MIGA1: variants seen among roughly 807,000 people sequenced by gnomAD.
MIGA1 encodes the protein mitoguardin 1.
A neutral mutation model predicts 82.0 loss-of-function variants in MIGA1; 58 were observed. The ratio of observed to expected loss-of-function variants is 0.71; its 90% CI spans 0.57 to 0.88. The LOEUF is 0.88. Among genes scored for constraint, MIGA1 ranks in the 40% least tolerant of loss-of-function variants. MIGA1 has a pLI of 0.00. For synonymous variants in MIGA1, 249 were observed against 253.6 expected (o/e 0.98, Z 0.17); for missense variants, 751 against 749.1 (o/e 1.00, Z -0.03).
chr1:77,844,143 GAT>G (rs1557924430), intron 8 of MIGA1, among the ~76,000 whole-genome samples: 1 of 107,752 alleles, frequency 9.3e-6, no homozygotes, highest in Non-Finnish European at 1.8e-5. Context: ...TATATAGATA[GAT>G]AGATAGATAG....
intron 15 of MIGA1, among the ~76,000 whole-genome samples, chr1:77,873,932 G>A (rs1032729943): frequency 2.6e-5 from 4 of 152,108 alleles, no homozygotes; most frequent in Non-Finnish European, 5.9e-5. Context: ...TTTAGGGGTT[G>A]GGAATTAAGT....
Position 77,873,655 on chromosome 1 carries a change from T to C in MIGA1, c.1680+535T>C, listed in dbSNP as rs1646868148. On this transcript the variant is annotated intron_variant, in intron 15 of 15. Transcript: ENST00000370791. ...TACAAGTTATAGCTCCTTATAGAAT[T>C]TTCTGGCTGGCAAAGTGACAAGGAA... 1.3e-5 allele frequency among the ~76,000 whole-genome samples: 2 copies of C among 152,176 alleles called. 1 individual carries two copies. The highest frequency in any genetic ancestry group is 2.9e-5 in the Non-Finnish European group (2 of 68,030).
intron 14 of MIGA1, among the ~76,000 whole-genome samples, chr1:77,867,214 T>G (rs999414176): frequency 6.6e-6 from 1 of 152,314 alleles, no homozygotes; most frequent in African/African-American, 2.4e-5. Flanking sequence ...GTGAGACTAC[T>G]GGGTTCAAAT....
Position 77,872,988 on chromosome 1 carries a change from C to G in MIGA1, c.1564-16C>G. 6.2e-7 allele frequency: 1 copy of G among 1,613,390 alleles called. No homozygotes were observed. The highest frequency in any genetic ancestry group is 1.1e-5 in the South Asian group (1 of 90,944). On this transcript the variant is annotated splice_polypyrimidine_tract_variant and intron_variant, in intron 14 of 15. Transcript: ENST00000370791. ...AGAAGGTAGAAGTAACTTGATTCTC[C>G]TTTACTTCCCAGCAGATCCCAGATG...
intron 5 of MIGA1, among the ~76,000 whole-genome samples, chr1:77,808,275 C>A (rs754774231): frequency 1.3e-5 from 2 of 151,836 alleles, no homozygotes; most frequent in Non-Finnish European, 2.9e-5. Flanking sequence ...GTAGGATAAT[C>A]TCCCTGTGTT....
intron 14 of MIGA1, among the ~76,000 whole-genome samples, chr1:77,870,810 A>G (rs1163838018): frequency 1.3e-5 from 2 of 151,032 alleles, no homozygotes; most frequent in African/African-American, 4.9e-5. Context: ...CACTGAGTGA[A>G]CGAGACTCCG....
intron 7 of MIGA1, among the ~76,000 whole-genome samples, chr1:77,830,380 T>A (rs983213250): frequency 2.0e-5 from 3 of 152,342 alleles, no homozygotes; most frequent in East Asian, 1.9e-4. Flanking sequence ...TTACATTTTC[T>A]AATTTGTCAT....
At position 77,878,936 on chromosome 1, in the gene MIGA1, T is replaced by G; in HGVS notation, c.*3872T>G. 1 of 325,108 alleles carries G rather than the reference T, an allele frequency of 3.1e-6. No homozygotes were observed. Among genetic ancestry groups the G allele is most frequent in the Non-Finnish European group, 5.6e-6 (1 of 178,846 alleles). 20.1% of individuals were successfully genotyped at this position (325,108 alleles called of 1,614,324 possible). ...TGAATTAAATGCCTTTATAAAAATA[T>G]TTACAAATGTTTTCTTGCCTTAAAA... On this transcript the variant is annotated 3_prime_UTR_variant, in exon 16 of 16. Coordinates refer to ENST00000370791, the MANE Select transcript of MIGA1 (RefSeq NM_198549.4).
At chr1:77,869,860 G>C (rs1274906999) in intron 14 of MIGA1, among the ~76,000 whole-genome samples, 1 of 118,140 alleles carries the variant, frequency 8.5e-6, no homozygotes, top group Non-Finnish European at 1.8e-5. Context: ...TGGCCAGGCG[G>C]GGGGCTGATC....
intron 8 of MIGA1, among the ~76,000 whole-genome samples, chr1:77,849,948 T>C (rs754231433): frequency 6.6e-5 from 10 of 151,404 alleles, no homozygotes; most frequent in Non-Finnish European, 1.5e-4. Context: ...GGCAGGAGAA[T>C]CGCTTGAACC....
chr1:77,870,342 G>T (rs1241884834), intron 14 of MIGA1, among the ~76,000 whole-genome samples: 5 of 119,732 alleles, frequency 4.2e-5, no homozygotes, highest in African/African-American at 1.5e-4. Context: ...CGGTTGCCAG[G>T]CAGAGGGTTT....
chr1:77,810,820 G>A, intron 5 of MIGA1: 1 of 1,595,136 alleles, frequency 6.3e-7, no homozygotes, highest in Admixed American at 1.7e-5. Flanking sequence ...TTTCTACTGA[G>A]TGGTAAAATT....
chr1:77,847,657 C>T, intron 8 of MIGA1: 15 of 1,569,544 alleles, frequency 9.6e-6, no homozygotes, highest in South Asian at 2.2e-5. Context: ...TTGGATGTAA[C>T]CAAGCAGAAA....
At chr1:77,864,890 C>T (rs1002322307) in intron 13 of MIGA1, among the ~76,000 whole-genome samples, 1 of 152,046 alleles carries the variant, frequency 6.6e-6, no homozygotes, top group Admixed American at 6.6e-5. Flanking sequence ...CACCTGGAAG[C>T]AAAGTAGGGT....
intron 7 of MIGA1, among the ~76,000 whole-genome samples, chr1:77,818,789 C>T (rs1184233892): frequency 2.0e-5 from 3 of 151,926 alleles, no homozygotes; most frequent in Non-Finnish European, 4.4e-5. Flanking sequence ...AAAAAATTAG[C>T]AGGGTGTTGG....
chr1:77,788,941 C>T (rs1475386509), intron 2 of MIGA1, among the ~76,000 whole-genome samples: 1 of 151,922 alleles, frequency 6.6e-6, no homozygotes, highest in Non-Finnish European at 1.5e-5. Flanking sequence ...CTATTTCTGC[C>T]AAAAAATCAT....
chr1:77,837,273 TG>T lies in MIGA1; in HGVS notation c.896-6033del, dbSNP rs1251055656. On this transcript the variant is annotated intron_variant, in intron 7 of 15. Coordinates refer to ENST00000370791, the MANE Select transcript of MIGA1 (RefSeq NM_198549.4). Reference sequence around the variant, plus strand: ...TTTTAATAAGATGTTTTCTCTTTTTTGTTGCTAAGTCTTCAGAATCTATTAT... The same window carrying T: ...TTTTAATAAGATGTTTTCTCTTTTTTTTGCTAAGTCTTCAGAATCTATTAT... Among the ~76,000 whole-genome samples, 4 of 152,366 alleles carry T rather than the reference TG, an allele frequency of 2.6e-5. No individual in the cohort carries two copies. In the East Asian group the frequency reaches 5.8e-4, roughly 22 times the overall value.
chr1:77,826,838 T>G (rs577995342), intron 7 of MIGA1, among the ~76,000 whole-genome samples: 3 of 152,038 alleles, frequency 2.0e-5, no homozygotes, highest in Admixed American at 1.3e-4. Flanking sequence ...GGAGTCTTGT[T>G]CTGTTGCCCA....
Position 77,784,709 on chromosome 1 carries a change from C to G in MIGA1, c.195+1358C>G, listed in dbSNP as rs564051669. ...TAATAGGTATGAGGTTATATTAGTC[C>G]GTTTTCATGCTGCTGATAAAGATAT... On this transcript the variant is annotated intron_variant, in intron 2 of 15. Coordinates refer to ENST00000370791, the MANE Select transcript of MIGA1 (RefSeq NM_198549.4). 2.0e-5 allele frequency among the ~76,000 whole-genome samples: 3 copies of G among 152,194 alleles called. No individual in the cohort carries two copies. The East Asian group carries it at 5.8e-4, about 29-fold the overall frequency.
Sources: allele counts gnomAD v4.1 joint callset (sites outside exome capture counted in the v4.1 genomes callset), GRCh38; gene constraint gnomAD v4.1.1; transcripts MANE v1.5; gene names NCBI Gene and HGNC (gene_info 2026-07-23, HGNC 2026-07-21).